The following LRRD1 variants were observed in gnomAD, a reference collection of about 807,000 sequenced individuals.
LRRD1 encodes leucine-rich repeat and death domain-containing protein 1.
Under a neutral mutation model 69.5 loss-of-function variants are expected in LRRD1, and 49 were observed. The observed-to-expected ratio is 0.70, with a 90% CI of 0.56 to 0.89. LRRD1 has a LOEUF of 0.89. Among genes scored for constraint, LRRD1 ranks in the 40% least tolerant of loss-of-function variants. LRRD1 has a pLI of 0.00. For synonymous variants in LRRD1, 303 were observed against 338.9 expected, an observed-to-expected ratio of 0.89 and a Z score of 1.16; for missense variants, 853 against 956.0, an observed-to-expected ratio of 0.89 and a Z score of 1.42.
intron 5 of LRRD1, 61 bp from the exon 6 acceptor site, chr7:92,145,135 A>C: frequency 1.2e-6 from 1 of 817,912 alleles, no homozygotes. Flanking sequence ...ATATATTTAA[A>C]TTACTGATAA....
At chr7:92,143,040 A>C (rs896498857), downstream of LRRD1, 3 of 212,260 alleles carry the variant, frequency 1.4e-5, no homozygotes, top group East Asian at 2.7e-4. Flanking sequence ...AGAGAGCCCG[A>C]GTGGTCTATT....
At chr7:92,167,280 G>A (rs1788933198) in intron 1 of LRRD1, among the ~76,000 whole-genome samples, 1 of 151,868 alleles carries the variant, frequency 6.6e-6, no homozygotes, top group East Asian at 2.0e-4. Context: ...GTTTTTAGTA[G>A]AGACGAGGTT....
chr7:92,170,568 G>A (rs894676779), intron 1 of LRRD1, among the ~76,000 whole-genome samples: 1 of 152,198 alleles, frequency 6.6e-6, no homozygotes, highest in African/African-American at 2.4e-5. Flanking sequence ...GTTCTAATTT[G>A]TCTGGCAACA....
At chr7:92,141,680 T>C (rs1046068934), downstream of LRRD1, 1 of 152,186 alleles carries the variant, frequency 6.6e-6, no homozygotes, top group African/African-American at 2.4e-5. Flanking sequence ...TCTATGGAAG[T>C]ACCTTGCCTC....
chr7:92,145,608 T>G (rs1438829721), intron 5 of LRRD1, among the ~76,000 whole-genome samples: 1 of 151,858 alleles, frequency 6.6e-6, no homozygotes, highest in Admixed American at 6.6e-5. Flanking sequence ...CCGGGCTAAT[T>G]TTTTGTATTT....
chr7:92,163,764 G>T lies in LRRD1; in HGVS notation c.1439C>A (p.Pro480Gln). 6.6e-7 allele frequency: 1 copy of T among 1,507,398 alleles called. No individual in the cohort carries two copies. The highest frequency in any genetic ancestry group is 1.3e-5 in the South Asian group (1 of 76,672). 93.4% of individuals were successfully genotyped at this position (1,507,398 alleles called of 1,614,324 possible). A position where few individuals can be genotyped will look rare whatever the true frequency, so the allele number is the denominator to read the frequency against. ...ELSYNKIMYF[P>Q]LGLCALDSLY... ...AGAATCTAAAGCACACAGTCCCAAT[G>T]GAAAATACATTATTTTGTTATAACT... is the stretch of plus-strand genomic sequence containing the variant. The change falls in exon 2 of 6, where the codon CCA becomes CAA. Residue 480 changes from proline (P) to glutamine (Q), a missense_variant. Around this residue, in one of 3 missense-constraint regions of LRRD1, gnomAD observed 739 missense variants for 808.0 expected, o/e 0.91. Transcript: ENST00000458448.
intron 1 of LRRD1, among the ~76,000 whole-genome samples, chr7:92,170,333 AAAT>A (rs1789028066): frequency 6.6e-6 from 1 of 152,202 alleles, no homozygotes; most frequent in African/African-American, 2.4e-5. Context: ...TTATTGAAAG[AAAT>A]AATAACAGAA....
In LRRD1 at chr7:92,163,809, T is replaced by C; in HGVS notation, c.1394A>G (p.Lys465Arg). 6.7e-7 allele frequency: 1 copy of C among 1,499,116 alleles called. No individual in the cohort carries two copies. The highest frequency in any genetic ancestry group is 2.6e-5 in the Admixed American group (1 of 37,946). The allele number at this position is 1,499,116 out of a possible 1,614,324, so 92.9% of individuals were successfully genotyped here. A position where few individuals can be genotyped will look rare whatever the true frequency, so the allele number is the denominator to read the frequency against. The change falls in exon 2 of 6, where the codon AAA (lysine) becomes AGA (arginine). Residue 465 changes from lysine to arginine, a missense_variant. Lys to Arg is a conservative substitution (Grantham distance 26). Transcript: ENST00000458448. ...ATAACTCAATTCAATTTTAATTATT[T>C]TTTGGCAGTTTTTTATTTCAATGGG... The part of the protein sequence containing the change: ...DVPIEIKNCQ[K>R]IIKIELSYNK...
At chr7:92,165,883 A>G (rs1051436949) in intron 1 of LRRD1, among the ~76,000 whole-genome samples, 9 of 150,326 alleles carry the variant, frequency 6.0e-5, no homozygotes, top group Non-Finnish European at 8.9e-5. Context: ...AAAAAAAAAA[A>G]GGTAACATAA....
intron 1 of LRRD1, among the ~76,000 whole-genome samples, chr7:92,167,385 A>C (rs565778511): frequency 6.6e-6 from 1 of 151,418 alleles, no homozygotes; most frequent in South Asian, 2.1e-4. Context: ...TGAGCCTGTA[A>C]ACTTTTTAGT....
At chr7:92,168,687 A>G (rs1476264272) in intron 1 of LRRD1, among the ~76,000 whole-genome samples, 1 of 152,184 alleles carries the variant, frequency 6.6e-6, no homozygotes, top group African/African-American at 2.4e-5. Flanking sequence ...GAAAGAATCA[A>G]CAAGTAAATT....
At chr7:92,144,153 T>G (rs1263219996), downstream of LRRD1, among the ~76,000 whole-genome samples, 1 of 152,232 alleles carries the variant, frequency 6.6e-6, no homozygotes, top group Admixed American at 6.5e-5. Context: ...TAGTTTATGT[T>G]TAACAAAGCT....
rs942226364 is a variant in LRRD1 at position 92,145,029 on chromosome 7, C to A, written c.2442G>T (p.Trp814Cys). Reference sequence around the variant, plus strand: ...GTGATAACTTGTTACTTTGTGTTTTCCATATAACAAGTGCTTGGTGGGCTC... The same window carrying A: ...GTGATAACTTGTTACTTTGTGTTTTACATATAACAAGTGCTTGGTGGGCTC... ...SERAHQALVI[W>C]KTQSNKLSLT... Residue 814 changes from tryptophan to cysteine, a missense_variant, in exon 6 of 6, where the codon TGG becomes TGT. Around this residue, in one of 3 missense-constraint regions of LRRD1, gnomAD observed 739 missense variants for 808.0 expected, o/e 0.91. Coordinates refer to ENST00000458448, the MANE Select transcript of LRRD1 (RefSeq NM_001161528.2). 20 of 1,525,298 alleles carry A rather than the reference C, an allele frequency of 1.3e-5. No homozygotes were observed. Among genetic ancestry groups the A allele is most frequent in the Non-Finnish European group, 1.7e-5 (19 of 1,131,438 alleles). 94.5% of individuals were successfully genotyped at this position (1,525,298 alleles called of 1,614,324 possible). A position where few individuals can be genotyped will look rare whatever the true frequency, so the allele number is the denominator to read the frequency against.
chr7:92,174,797 C>T (rs1789157335), intron 1 of LRRD1, among the ~76,000 whole-genome samples: 1 of 151,756 alleles, frequency 6.6e-6, no homozygotes, highest in Admixed American at 6.6e-5. Context: ...CGTGGTGGCT[C>T]ACACCTGTAA....
intron 1 of LRRD1, among the ~76,000 whole-genome samples, chr7:92,171,494 A>G (rs187820503): frequency 9.5e-4 from 144 of 152,332 alleles, no homozygotes; most frequent in African/African-American, 3.3e-3. Context: ...GAACACTTCA[A>G]CAAACCAGTA....
chr7:92,170,371 A>G (rs1789028662), intron 1 of LRRD1, among the ~76,000 whole-genome samples: 1 of 152,198 alleles, frequency 6.6e-6, no homozygotes, highest in South Asian at 2.1e-4. Flanking sequence ...AGAGCTAAAT[A>G]TCCAGATACA....
downstream of LRRD1, among the ~76,000 whole-genome samples, chr7:92,144,472 C>T (rs1200285735): frequency 6.6e-6 from 1 of 151,688 alleles, no homozygotes; most frequent in Admixed American, 6.6e-5. Context: ...ACTAAAAATA[C>T]AAAAATTATC....
chr7:92,175,737 T>C (rs1217910095), intron 1 of LRRD1, among the ~76,000 whole-genome samples: 1 of 152,200 alleles, frequency 6.6e-6, no homozygotes, highest in Non-Finnish European at 1.5e-5. Context: ...TTCTAAAAAA[T>C]GCTATGCTTT....
chr7:92,153,702 G>A (rs1788578732), intron 3 of LRRD1, among the ~76,000 whole-genome samples: 1 of 150,852 alleles, frequency 6.6e-6, no homozygotes, highest in Admixed American at 6.6e-5. Flanking sequence ...CATGGTGGCA[G>A]GCGCCTGTAA....
Sources: allele counts gnomAD v4.1 joint callset (sites outside exome capture counted in the v4.1 genomes callset), GRCh38; gene constraint gnomAD v4.1.1; regional missense constraint gnomAD v4.1.1; transcripts MANE v1.5; gene names NCBI Gene and HGNC (gene_info 2026-07-23, HGNC 2026-07-21).